IQCM: variants seen among roughly 807,000 people sequenced by gnomAD.
IQCM encodes IQ domain-containing protein M.
Under a neutral mutation model 57.6 loss-of-function variants are expected in IQCM, and 45 were observed. The ratio of observed to expected loss-of-function variants is 0.78; its 90% CI spans 0.62 to 1.00. The LOEUF (loss-of-function observed/expected upper bound fraction) is 1.00. Among genes scored for constraint, IQCM ranks in the 50% least tolerant of loss-of-function variants. IQCM has a pLI of 0.00. For missense variants in IQCM, 468 were observed against 511.6 expected (o/e 0.91, Z 0.82); for synonymous variants, 148 against 158.9 (o/e 0.93, Z 0.51).
intron 3 of IQCM, among the ~76,000 whole-genome samples, chr4:149,738,122 T>C (rs1242972592): frequency 6.6e-6 from 1 of 152,162 alleles, no homozygotes; most frequent in Admixed American, 6.6e-5. Flanking sequence ...AGCAGAGACC[T>C]GACAGCCTGC....
chr4:149,470,718 C>T lies in IQCM; in HGVS notation c.1229-37161G>A, dbSNP rs565796713. Among the ~76,000 whole-genome samples the T allele has an allele frequency of 2.8e-4, 43 of 152,172 alleles. No individual in the cohort carries two copies. The South Asian group carries it at 7.7e-3, about 27-fold the overall frequency. On this transcript the variant is annotated intron_variant, in intron 12 of 13. Coordinates refer to ENST00000636793, the MANE Select transcript of IQCM (RefSeq NM_001363507.2). ...CTTATTCCAAAATTGACCACATAGT[C>T]GGAAGTAAAGCACTCCTCAGCAAAT...
intron 9 of IQCM, among the ~76,000 whole-genome samples, chr4:149,584,137 A>G (rs1752456253): frequency 6.6e-6 from 1 of 151,588 alleles, no homozygotes; most frequent in Non-Finnish European, 1.5e-5. Flanking sequence ...TTTAAAAAAC[A>G]GAAAAATGTT....
chr4:149,594,821 C>T lies in IQCM; in HGVS notation c.682-6824G>A, dbSNP rs146237311. Reference sequence around the variant, plus strand: ...TTTGATTGTACTGTGGTCTGAGAGACAGTTTGTTGTAATTTCTGTTCTTTT... The same window carrying T: ...TTTGATTGTACTGTGGTCTGAGAGATAGTTTGTTGTAATTTCTGTTCTTTT... On this transcript the variant is annotated intron_variant, in intron 8 of 13. Transcript: ENST00000636793. Among the ~76,000 whole-genome samples the T allele has an allele frequency of 4.0e-3, 611 of 152,234 alleles. 2 individuals are homozygous for T. Among genetic ancestry groups the T allele is most frequent in the African/African-American group, 0.014 (585 of 41,540 alleles).
chr4:149,400,295 T>C (rs1732527136), intron 13 of IQCM, among the ~76,000 whole-genome samples: 2 of 151,870 alleles, frequency 1.3e-5, no homozygotes, highest in South Asian at 4.2e-4. Context: ...TAATGGTACG[T>C]GAGCTATCTT....
intron 10 of IQCM, among the ~76,000 whole-genome samples, chr4:149,559,594 C>A (rs886710570): frequency 6.6e-6 from 1 of 152,206 alleles, no homozygotes. Flanking sequence ...CCTAAGACTT[C>A]TTTCAGTTGT....
chr4:149,802,824 T>A (rs892597952), intron 2 of IQCM, among the ~76,000 whole-genome samples: 2 of 151,986 alleles, frequency 1.3e-5, no homozygotes, highest in African/African-American at 4.8e-5. Flanking sequence ...GTGGAGCATG[T>A]TTCTGGTAAT....
intron 3 of IQCM, among the ~76,000 whole-genome samples, chr4:149,736,523 T>C (rs1267547909): frequency 6.6e-6 from 1 of 152,176 alleles, no homozygotes; most frequent in Non-Finnish European, 1.5e-5. Flanking sequence ...GGGCTCTCTG[T>C]TTTTATAACT....
At chr4:149,620,414 TA>T (rs1756228593) in intron 8 of IQCM, among the ~76,000 whole-genome samples, 2 of 151,982 alleles carry the variant, frequency 1.3e-5, no homozygotes, top group East Asian at 3.9e-4. Flanking sequence ...GAGAAAAAGA[TA>T]AAGAAGATAA....
At chr4:149,506,720 C>A (rs563167249) in intron 12 of IQCM, among the ~76,000 whole-genome samples, 4 of 152,280 alleles carry the variant, frequency 2.6e-5, no homozygotes, top group African/African-American at 7.2e-5. Flanking sequence ...AGAGAAAAAG[C>A]TAGCAACAGT....
intron 2 of IQCM, among the ~76,000 whole-genome samples, chr4:149,783,973 A>T (rs1375944418): frequency 6.6e-6 from 1 of 152,228 alleles, no homozygotes; most frequent in Non-Finnish European, 1.5e-5. Context: ...CCAGTTGAGA[A>T]TGCAGGCTGG....
chr4:149,781,152 G>C (rs1173372838), intron 2 of IQCM, among the ~76,000 whole-genome samples: 1 of 152,170 alleles, frequency 6.6e-6, no homozygotes, highest in Non-Finnish European at 1.5e-5. Context: ...AGCTAAGGAT[G>C]ATGAAGTTGT....
intron 2 of IQCM, among the ~76,000 whole-genome samples, chr4:149,788,295 C>G (rs1453653166): frequency 1.3e-5 from 2 of 152,308 alleles, no homozygotes; most frequent in Admixed American, 1.3e-4. Flanking sequence ...GATTGCACCA[C>G]TGGACTCCAG....
chr4:149,574,783 T>C (rs931863361), intron 9 of IQCM, among the ~76,000 whole-genome samples: 12 of 151,994 alleles, frequency 7.9e-5, no homozygotes, highest in African/African-American at 2.9e-4. Flanking sequence ...GTATTTTGTA[T>C]GCTCCATTTA....
chr4:149,406,623 C>A (rs950602402), intron 13 of IQCM, among the ~76,000 whole-genome samples: 4 of 152,044 alleles, frequency 2.6e-5, no homozygotes, highest in Admixed American at 2.0e-4. Flanking sequence ...TGTCTTTAAG[C>A]CAAAGCAGAA....
chr4:149,390,221 T>C (rs1731749346), intron 13 of IQCM, among the ~76,000 whole-genome samples: 1 of 152,042 alleles, frequency 6.6e-6, no homozygotes, highest in Non-Finnish European at 1.5e-5. Flanking sequence ...TTGTGCTATT[T>C]TAAATGGAAT....
chr4:149,675,598 G>T (rs989732396), intron 7 of IQCM, among the ~76,000 whole-genome samples: 1 of 152,006 alleles, frequency 6.6e-6, no homozygotes, highest in Non-Finnish European at 1.5e-5. Flanking sequence ...CATCAGAAAA[G>T]AAGATATACA....
intron 8 of IQCM, among the ~76,000 whole-genome samples, chr4:149,604,238 T>C (rs1285655802): frequency 6.6e-6 from 1 of 152,164 alleles, no homozygotes; most frequent in Non-Finnish European, 1.5e-5. Context: ...TTCTTACCTT[T>C]CTAAAATTTT....
intron 13 of IQCM, among the ~76,000 whole-genome samples, chr4:149,376,457 T>C (rs1376902682): frequency 6.6e-6 from 1 of 152,140 alleles, no homozygotes; most frequent in African/African-American, 2.4e-5. Context: ...AAAAACCAGA[T>C]AGCATTCAAT....
At chr4:149,761,523 GTCTT>G (rs1769512464) in intron 2 of IQCM, among the ~76,000 whole-genome samples, 1 of 152,044 alleles carries the variant, frequency 6.6e-6, no homozygotes, top group Non-Finnish European at 1.5e-5. Context: ...CTCATCAGAA[GTCTT>G]TCTTCTCCTG....
Sources: gnomAD v4.1 joint callset for allele counts (sites outside exome capture counted in the v4.1 genomes callset) on GRCh38, gnomAD v4.1.1 for gene constraint, MANE v1.5 for transcripts, NCBI Gene and HGNC (gene_info 2026-07-23, HGNC 2026-07-21) for gene names.